DHX37: variants seen among roughly 807,000 people sequenced by gnomAD.
DHX37 encodes DEAH-box helicase 37, also known as probable ATP-dependent RNA helicase DHX37.
Under a neutral mutation model 134.3 loss-of-function variants are expected in DHX37, and 52 were observed. That is an observed-to-expected ratio of 0.39 (90% CI 0.31 to 0.49). The LOEUF is 0.49. Among genes scored for constraint, DHX37 ranks in the 20% least tolerant of loss-of-function variants. DHX37 has a pLI of 0.93. For synonymous variants in DHX37, 634 were observed against 670.7 expected, an observed-to-expected ratio of 0.95 and a Z score of 0.85; for missense variants, 1,344 against 1,580.8, an observed-to-expected ratio of 0.85 and a Z score of 2.54.
At chr12:124,977,631 AC>A in intron 4 of DHX37, 141 bp from the exon 5 acceptor site, 1 of 971,106 alleles carries the variant, frequency 1.0e-6, no homozygotes, top group Non-Finnish European at 1.4e-6. Flanking sequence ...TGGGGAGGGG[AC>A]CAGGAGCCAT....
In DHX37 at chr12:124,968,608, T is replaced by C; in HGVS notation, c.1334A>G (p.Lys445Arg). 1 of 1,614,162 alleles carries C rather than the reference T, an allele frequency of 6.2e-7. No homozygotes were observed. Among genetic ancestry groups the C allele is most frequent in the Non-Finnish European group, 8.5e-7 (1 of 1,180,050 alleles). ...ACTGTAGTCTTCCAGCGGTGTCCGC[T>C]TGTTGAAATGCACAGTCACTGGGAA... ...RQFPVTVHFNKRTPLEDYSGE... is the reference protein window; with the variant it reads ...RQFPVTVHFNRRTPLEDYSGE... Residue 445 changes from lysine to arginine, a missense_variant, in exon 10 of 27, where the codon AAG (lysine) becomes AGG (arginine). This residue lies in a region of DHX37 where 289 missense variants were observed against 323.8 expected (regional missense o/e 0.89). Coordinates refer to ENST00000308736, the MANE Select transcript of DHX37 (RefSeq NM_032656.4).
intron 16 of DHX37, among the ~76,000 whole-genome samples, chr12:124,957,643 C>T (rs1306461646): frequency 1.3e-5 from 2 of 152,014 alleles, no homozygotes; most frequent in East Asian, 1.9e-4. Flanking sequence ...AAAAATTAGC[C>T]GGGTGTGGTG....
intron 7 of DHX37, among the ~76,000 whole-genome samples, chr12:124,971,840 C>T (rs924936603): frequency 1.3e-5 from 2 of 152,218 alleles, no homozygotes; most frequent in East Asian, 1.9e-4. Flanking sequence ...TCTCTGGACA[C>T]GCGTGCCACC....
At chr12:124,967,584 G>C (rs1255308909) in intron 10 of DHX37, among the ~76,000 whole-genome samples, 1 of 152,140 alleles carries the variant, frequency 6.6e-6, no homozygotes, top group Non-Finnish European at 1.5e-5. Context: ...CTCACCTCCT[G>C]CCAGCCCCAG....
chr12:124,974,009 G>A (rs900450290), intron 6 of DHX37, among the ~76,000 whole-genome samples: 1 of 145,932 alleles, frequency 6.9e-6, no homozygotes, highest in Non-Finnish European at 1.5e-5. Context: ...CTGCAGTGGT[G>A]CTATCTCAAT....
chr12:124,982,069 G>C (rs951171148), intron 3 of DHX37, among the ~76,000 whole-genome samples: 2 of 151,314 alleles, frequency 1.3e-5, no homozygotes, highest in Non-Finnish European at 2.9e-5. Context: ...GTTGCGGTAA[G>C]CTGAGATCAC....
intron 4 of DHX37, among the ~76,000 whole-genome samples, chr12:124,979,630 T>G (rs904165784): frequency 2.6e-5 from 4 of 152,182 alleles, no homozygotes; most frequent in Admixed American, 1.3e-4. Context: ...CGGTATGTAT[T>G]GCTTAGGAAT....
chr12:124,983,785 C>CAA lies in DHX37; in HGVS notation c.277-1164_277-1163dup, dbSNP rs11298102. Among the ~76,000 whole-genome samples the CAA allele has an allele frequency of 6.7e-3, 782 of 117,398 alleles. 3 individuals carry two copies. Among genetic ancestry groups the CAA allele is most frequent in the Non-Finnish European group, 6.9e-3 (388 of 56,326 alleles). 77.0% of individuals were successfully genotyped at this position (117,398 alleles called of 152,430 possible). On this transcript the variant is annotated intron_variant, in intron 2 of 26. Transcript: ENST00000308736. ...GGGCAACAGAGCAAGACCTTGTCTC[C>CAA]AAAAAAAAAAAAAAAAAGAACACGC...
At chr12:124,966,747 C>T in intron 12 of DHX37, 46 bp downstream of exon 12, 1 of 1,592,024 alleles carries the variant, frequency 6.3e-7, no homozygotes, top group Non-Finnish European at 8.6e-7. Flanking sequence ...CCATCCTGGA[C>T]AACGCAGCCT....
intron 14 of DHX37, 74 bp downstream of exon 14, chr12:124,964,856 C>T (rs1954344438): frequency 8.0e-6 from 12 of 1,496,272 alleles, no homozygotes; most frequent in Non-Finnish European, 1.1e-5. Context: ...AGAGGACCAC[C>T]AAGGGCTTGA....
At chr12:124,969,619 G>A (rs1444498668) in intron 8 of DHX37, among the ~76,000 whole-genome samples, 1 of 151,862 alleles carries the variant, frequency 6.6e-6, no homozygotes, top group African/African-American at 2.4e-5. Flanking sequence ...CATAAACCAA[G>A]GCCACAGTGA....
intron 15 of DHX37, among the ~76,000 whole-genome samples, chr12:124,961,745 C>G (rs564483348): frequency 1.4e-4 from 21 of 152,010 alleles, no homozygotes; most frequent in African/African-American, 4.3e-4. Context: ...TCTTACAGAT[C>G]AATAATAAAA....
intron 16 of DHX37, among the ~76,000 whole-genome samples, chr12:124,958,794 T>C (rs1954158853): frequency 6.6e-6 from 1 of 151,324 alleles, no homozygotes; most frequent in Admixed American, 6.6e-5. Flanking sequence ...CCTGGCTAAT[T>C]TTTATATTTT....
chr12:124,974,484 A>C (rs1047745153), intron 6 of DHX37, among the ~76,000 whole-genome samples: 2 of 103,830 alleles, frequency 1.9e-5, no homozygotes, highest in Non-Finnish European at 3.8e-5. Context: ...AAGTCCCCCA[A>C]CTGGCATGCT....
At position 124,978,853 on chromosome 12, in the gene DHX37, G is replaced by A. The variant is rs145535323; in HGVS notation, c.739-1363C>T. Among the ~76,000 whole-genome samples, 680 of 151,696 alleles carry A rather than the reference G, an allele frequency of 4.5e-3. 3 individuals carry two copies. The highest frequency in any genetic ancestry group is 0.016 in the African/African-American group (655 of 41,328). ...AGGCTGAGGTGGGAGGACCGCTTGA[G>A]CCCAGGAGGTAGAGGCTGCAGTGAA... On this transcript the variant is annotated intron_variant, in intron 4 of 26. Transcript: ENST00000308736.
At chr12:124,983,055 G>T (rs1310158224) in intron 2 of DHX37, among the ~76,000 whole-genome samples, 1 of 152,122 alleles carries the variant, frequency 6.6e-6, no homozygotes, top group Non-Finnish European at 1.5e-5. Flanking sequence ...CTTTTAGTTG[G>T]GTGAGGGTTT....
chr12:124,962,217 A>C (rs547365482), intron 15 of DHX37, among the ~76,000 whole-genome samples: 14 of 151,986 alleles, frequency 9.2e-5, no homozygotes, highest in African/African-American at 3.1e-4. Context: ...CTCAAAAAAA[A>C]CCCCAGCAAA....
chr12:124,954,644 C>T (rs540238844), intron 18 of DHX37, among the ~76,000 whole-genome samples: 4 of 152,240 alleles, frequency 2.6e-5, no homozygotes, highest in African/African-American at 4.8e-5. Flanking sequence ...GTGATCCGCC[C>T]GTCTCGGCCT....
In DHX37 at chr12:124,953,883, C is replaced by T. The variant is rs530476112; in HGVS notation, c.2692G>A (p.Ala898Thr). The T allele has an allele frequency of 2.5e-5, 40 of 1,611,132 alleles. No individual in the cohort carries two copies. In the South Asian group the frequency reaches 3.3e-4, roughly 13 times the overall value. The change falls in exon 20 of 27, where the codon GCA (alanine) becomes ACA (threonine). Residue 898 changes from alanine to threonine, a missense_variant. By Grantham distance (58) the Ala-to-Thr change is moderately conservative (BLOSUM62 0). Transcript: ENST00000308736. ...IRRLRGQLTTAVNAVCPEAEL... is the reference protein window; with the variant it reads ...IRRLRGQLTTTVNAVCPEAEL... ...GCGTGCCGGCACGGGGCCGTACCTG[C>T]GGTGGTCAGCTGGCCCCGCAGGCGC...
Sources: gnomAD v4.1 joint callset for allele counts (sites outside exome capture counted in the v4.1 genomes callset) on GRCh38, gnomAD v4.1.1 for gene constraint, gnomAD v4.1.1 regional missense constraint, MANE v1.5 for transcripts, NCBI Gene and HGNC (gene_info 2026-07-23, HGNC 2026-07-21) for gene names.